Variants in STK39 observed in about 807,000 individuals in gnomAD.
STK39 encodes STE20/SPS1-related proline-alanine-rich protein kinase.
In STK39, 20 loss-of-function variants were observed where a neutral mutation model predicts 77.8. That is an observed-to-expected ratio of 0.26 (90% confidence interval 0.18 to 0.37). The LOEUF (loss-of-function observed/expected upper bound fraction) is 0.37. Ranked by LOEUF, STK39 falls within the 10% of genes least tolerant of loss-of-function variation. STK39 has a pLI of 1.00. For synonymous variants in STK39, 246 were observed against 234.1 expected, an observed-to-expected ratio of 1.05 and a Z score of -0.47; for missense variants, 479 against 656.5, an observed-to-expected ratio of 0.73 and a Z score of 2.95.
intron 7 of STK39, 35 bp from the exon 8 acceptor site, chr2:168,138,256 G>C (rs544556693): frequency 5.0e-6 from 8 of 1,587,826 alleles, no homozygotes; most frequent in Non-Finnish European, 6.0e-6. Flanking sequence ...CAGAATCTCA[G>C]TATAGCAATT....
intron 16 of STK39, among the ~76,000 whole-genome samples, chr2:167,975,609 A>C (rs1287780668): frequency 6.6e-6 from 1 of 152,088 alleles, no homozygotes; most frequent in African/African-American, 2.4e-5. Context: ...AGGTCAGGAG[A>C]TCGAGACCAT....
chr2:168,019,788 C>G (rs770860617), intron 14 of STK39, among the ~76,000 whole-genome samples: 1 of 152,202 alleles, frequency 6.6e-6, no homozygotes, highest in Non-Finnish European at 1.5e-5. Flanking sequence ...ACTGCAACCT[C>G]TGCCTCCCGG....
intron 15 of STK39, among the ~76,000 whole-genome samples, chr2:168,016,387 CAAAAA>C (rs869084308): frequency 1.8e-4 from 12 of 65,648 alleles, no homozygotes; most frequent in Admixed American, 1.7e-3. Flanking sequence ...GGCCTTTGTT[CAAAAA>C]AAAAAAAAAA....
intron 10 of STK39, among the ~76,000 whole-genome samples, chr2:168,090,910 G>T (rs1686503561): frequency 1.3e-5 from 2 of 152,128 alleles, no homozygotes; most frequent in Admixed American, 6.6e-5. Flanking sequence ...TGAAGATACT[G>T]CGAGGAAAGG....
At chr2:168,219,924 T>C (rs879677818) in intron 1 of STK39, among the ~76,000 whole-genome samples, 3 of 151,338 alleles carry the variant, frequency 2.0e-5, no homozygotes, top group Non-Finnish European at 2.9e-5. Context: ...AACTTTATCA[T>C]CCAAGCATTA....
Position 168,167,452 on chromosome 2 carries a change from T to C in STK39, c.322-45A>G, listed in dbSNP as rs747673343. 3.8e-6 allele frequency: 6 copies of C among 1,566,046 alleles called. No individual in the cohort carries two copies. The Admixed American group carries it at 8.4e-5, about 22-fold the overall frequency. On this transcript the variant is annotated intron_variant, in intron 2 of 17. Transcript: ENST00000355999. ...TGACATAGTACCATGGGGTGAAAAT[T>C]GGCAAGCAAAACACAAGTGAATCAC...
intron 14 of STK39, among the ~76,000 whole-genome samples, chr2:168,036,764 T>C (rs1213372135): frequency 2.0e-5 from 3 of 152,134 alleles, no homozygotes; most frequent in Admixed American, 6.5e-5. Context: ...AGCTTAATGA[T>C]AGAGCAAGGG....
chr2:168,135,576 G>C (rs1024091501), intron 8 of STK39, among the ~76,000 whole-genome samples: 1 of 152,210 alleles, frequency 6.6e-6, no homozygotes, highest in African/African-American at 2.4e-5. Context: ...AGCAAAGGCA[G>C]AAAATATTCC....
Position 168,140,603 on chromosome 2 carries a change from C to G in STK39, c.738+46G>C, listed in dbSNP as rs201911796. On this transcript the variant is annotated intron_variant, in intron 6 of 17. Coordinates refer to ENST00000355999, the MANE Select transcript of STK39 (RefSeq NM_013233.3). ...AATGTTAGCATATTAATGATCTGTA[C>G]GATTGTACTATGTCCATCAAAAAGT... is the stretch of plus-strand genomic sequence containing the variant. 8.3e-6 allele frequency: 12 copies of G among 1,448,414 alleles called. No homozygotes were observed. The African/African-American group carries it at 1.7e-4, about 20-fold the overall frequency. 89.7% of individuals were successfully genotyped at this position (1,448,414 alleles called of 1,614,324 possible).
chr2:168,121,137 CTTCTT>C (rs1202414437), intron 10 of STK39, among the ~76,000 whole-genome samples: 37 of 152,316 alleles, frequency 2.4e-4, no homozygotes, highest in African/African-American at 8.4e-4. Flanking sequence ...TCTCCGTTCT[CTTCTT>C]CTTCATTCTG....
intron 1 of STK39, among the ~76,000 whole-genome samples, chr2:168,243,911 C>T (rs1047751806): frequency 6.6e-6 from 1 of 152,142 alleles, no homozygotes; most frequent in Non-Finnish European, 1.5e-5. Flanking sequence ...GGGCTCAACT[C>T]ACCCCCAAAT....
At chr2:168,070,025 G>A (rs1020816869) in intron 12 of STK39, among the ~76,000 whole-genome samples, 10 of 152,126 alleles carry the variant, frequency 6.6e-5, no homozygotes, top group Non-Finnish European at 1.3e-4. Flanking sequence ...CATAAAACAT[G>A]TACTTATTAT....
rs1419387899 is a variant in STK39 at position 167,997,727 on chromosome 2, A to T, written c.1498+14907T>A. The stretch of plus-strand genomic sequence containing the variant: ...AGCTAATAACAAAAAGTAATATACA[A>T]TATGGAGAGTCATACAGCTCCTCAA... On this transcript the variant is annotated intron_variant, in intron 16 of 17. Transcript: ENST00000355999. 1.3e-5 allele frequency among the ~76,000 whole-genome samples: 2 copies of T among 152,240 alleles called. 1 individual carries two copies. Among genetic ancestry groups the T allele is most frequent in the Non-Finnish European group, 2.9e-5 (2 of 68,048 alleles).
chr2:168,230,460 C>T (rs57262215), intron 1 of STK39, among the ~76,000 whole-genome samples: 15,014 of 152,164 alleles, frequency 0.099, 1,727 homozygotes, highest in East Asian at 0.26. Context: ...CCACCCAACA[C>T]GCGAGCGAGA....
intron 1 of STK39, among the ~76,000 whole-genome samples, chr2:168,232,818 AG>A (rs879549897): frequency 3.3e-5 from 5 of 152,122 alleles, no homozygotes; most frequent in Non-Finnish European, 7.4e-5. Flanking sequence ...AGGCTGAGGC[AG>A]GAGAATCACT....
rs140200069 is a variant in STK39 at position 168,103,753 on chromosome 2, A to G, written c.1089+25788T>C. Among the ~76,000 whole-genome samples, 328 of 152,350 alleles carry G rather than the reference A, an allele frequency of 2.2e-3. 2 individuals carry two copies. Among genetic ancestry groups the G allele is most frequent in the African/African-American group, 7.7e-3 (319 of 41,580 alleles). The stretch of plus-strand genomic sequence containing the variant: ...CTATGAATACCAATTTGAATTTGAC[A>G]GCTTCCTAAGAAAAAGGCTCAACAT... On this transcript the variant is annotated intron_variant, in intron 10 of 17. Coordinates refer to ENST00000355999, the MANE Select transcript of STK39 (RefSeq NM_013233.3).
chr2:168,092,067 A>G (rs771423995), intron 10 of STK39, among the ~76,000 whole-genome samples: 61 of 152,212 alleles, frequency 4.0e-4, no homozygotes, highest in Non-Finnish European at 2.8e-4. Context: ...ACACTCTGAA[A>G]TCTATAACCA....
intron 16 of STK39, among the ~76,000 whole-genome samples, chr2:167,986,069 C>T (rs190726108): frequency 6.6e-6 from 1 of 152,284 alleles, no homozygotes; most frequent in East Asian, 1.9e-4. Flanking sequence ...ATGTACATGG[C>T]CAGCACTGCC....
chr2:168,165,991 G>A (rs951079619), intron 3 of STK39, among the ~76,000 whole-genome samples: 16 of 152,258 alleles, frequency 1.1e-4, no homozygotes, highest in Admixed American at 9.2e-4. Context: ...GGGTATGCTG[G>A]GTGTTCCCAA....
Sources: allele counts gnomAD v4.1 joint callset (sites outside exome capture counted in the v4.1 genomes callset), GRCh38; gene constraint gnomAD v4.1.1; transcripts MANE v1.5; gene names NCBI Gene and HGNC (gene_info 2026-07-23, HGNC 2026-07-21).